SLC2A4: variants seen among roughly 807,000 people sequenced by gnomAD.
The protein encoded by SLC2A4 is solute carrier family 2 member 4, also known as solute carrier family 2, facilitated glucose transporter member 4.
In SLC2A4, 31 loss-of-function variants were observed where a neutral mutation model predicts 53.3. The ratio of observed to expected loss-of-function variants is 0.58; its 90% CI spans 0.44 to 0.78. The LOEUF (loss-of-function observed/expected upper bound fraction) is 0.78, where lower values mean the gene tolerates loss of function less well. SLC2A4 is among the 30% of genes least tolerant of loss of function. The pLI is 0.00. For missense variants in SLC2A4, 538 were observed against 655.7 expected (o/e 0.82, Z 1.96); for synonymous variants, 276 against 281.9 (o/e 0.98, Z 0.21).
At position 7,283,218 on chromosome 17, in the gene SLC2A4, G is replaced by T. The variant is rs1436477670; in HGVS notation, c.34-27G>T. 6.4e-7 allele frequency: 1 copy of T among 1,572,278 alleles called. No homozygotes were observed. Among genetic ancestry groups the T allele is most frequent in the South Asian group, 1.1e-5 (1 of 90,306 alleles). ...AAAAAATCATGGTTCCATGTGACATGCTGTGTCTTTGTGTCTGCCTGTTCA... is the reference window on the plus strand; with the variant it reads ...AAAAAATCATGGTTCCATGTGACATTCTGTGTCTTTGTGTCTGCCTGTTCA... On this transcript the variant is annotated intron_variant, in intron 1 of 10. Coordinates refer to ENST00000317370, the MANE Select transcript of SLC2A4 (RefSeq NM_001042.3). This position sits in a 1 kb window ranked among gnomAD's most constrained non-coding sequence, Gnocchi z 5.8.
At position 7,282,226 on chromosome 17, in the gene SLC2A4, A is replaced by G. The variant is rs1233733884; in HGVS notation, c.33+259A>G. 3.3e-6 allele frequency: 2 copies of G among 614,354 alleles called. No homozygotes were observed. Among genetic ancestry groups the G allele is most frequent in the Non-Finnish European group, 6.0e-6 (2 of 333,622 alleles). The allele number at this position is 614,354 out of a possible 1,614,324, so 38.1% of individuals were successfully genotyped here. Reference sequence around the variant, plus strand: ...CGAGCCAGGGTTCACCCCCTTGCCTAGTAGGCGGCGCGGCGCTCCGGAATC... The same window carrying G: ...CGAGCCAGGGTTCACCCCCTTGCCTGGTAGGCGGCGCGGCGCTCCGGAATC... On this transcript the variant is annotated intron_variant, in intron 1 of 10. Transcript: ENST00000317370. This position sits in a 1 kb window ranked among gnomAD's most constrained non-coding sequence, Gnocchi z 4.1.
Position 7,284,111 on chromosome 17 carries a change from G to A in SLC2A4, c.564+22G>A. 1 of 1,612,238 alleles carries A rather than the reference G, an allele frequency of 6.2e-7. No homozygotes were observed. Among genetic ancestry groups the A allele is most frequent in the Non-Finnish European group, 8.5e-7 (1 of 1,178,720 alleles). On this transcript the variant is annotated intron_variant, in intron 5 of 10. Transcript: ENST00000317370. The surrounding 1 kb of genome is among the most constrained non-coding windows in gnomAD (Gnocchi z 7.5). ...CCAGGTGACCGGAGCAAGCCTCATG[G>A]GTGCCTGGGCAGTGGTTAGAGTGGG...
In SLC2A4 at chr17:7,284,470, C is replaced by T; in HGVS notation, c.728-15C>T. 1 of 1,614,242 alleles carries T rather than the reference C, an allele frequency of 6.2e-7. No homozygotes were observed. Among genetic ancestry groups the T allele is most frequent in the South Asian group, 1.1e-5 (1 of 91,088 alleles). On this transcript the variant is annotated splice_polypyrimidine_tract_variant and intron_variant, in intron 6 of 10. Coordinates refer to ENST00000317370, the MANE Select transcript of SLC2A4 (RefSeq NM_001042.3). The surrounding 1 kb of genome is among the most constrained non-coding windows in gnomAD (Gnocchi z 7.5). The stretch of plus-strand genomic sequence containing the variant: ...TCCTCTCAGGTCCCCTCAGGCCTGA[C>T]CTTCCCTTCTCCAGGTCTGAAGCGC...
Position 7,281,772 on chromosome 17 carries a change from G to A in SLC2A4, c.-163G>A. ...TCCGCGGGAGCCCCACTGCTCTCCG[G>A]GTCCTTGGCTTGTGGCTGTGGGTCC... On this transcript the variant is annotated 5_prime_UTR_variant, in exon 1 of 11. Coordinates refer to ENST00000317370, the MANE Select transcript of SLC2A4 (RefSeq NM_001042.3). The A allele has an allele frequency of 1.4e-6, 1 of 728,348 alleles. No individual in the cohort carries two copies. The highest frequency in any genetic ancestry group is 1.7e-5 in the African/African-American group (1 of 57,172). The allele number at this position is 728,348 out of a possible 1,614,324, so 45.1% of individuals were successfully genotyped here.
chr17:7,284,105 C>T lies in SLC2A4; in HGVS notation c.564+16C>T, dbSNP rs1258861681. 3 of 1,612,134 alleles carry T rather than the reference C, an allele frequency of 1.9e-6. No individual in the cohort carries two copies. The highest frequency in any genetic ancestry group is 2.5e-6 in the Non-Finnish European group (3 of 1,178,556). ...GATCGCCCAGGTGACCGGAGCAAGC[C>T]TCATGGGTGCCTGGGCAGTGGTTAG... On this transcript the variant is annotated intron_variant, in intron 5 of 10. Coordinates refer to ENST00000317370, the MANE Select transcript of SLC2A4 (RefSeq NM_001042.3). The surrounding 1 kb of genome is among the most constrained non-coding windows in gnomAD (Gnocchi z 7.5).
Position 7,286,571 on chromosome 17 carries a change from A to G in SLC2A4, c.1472A>G (p.Glu491Gly), listed in dbSNP as rs2072452321. ...TTCCACCGGACACCCTCTCTTTTAGAGCAGGAGGTGAAACCCAGCACAGAA... is the reference window on the plus strand; with the variant it reads ...TTCCACCGGACACCCTCTCTTTTAGGGCAGGAGGTGAAACCCAGCACAGAA... ...AAFHRTPSLLEQEVKPSTELE... is the reference protein window; with the variant it reads ...AAFHRTPSLLGQEVKPSTELE... The change falls in exon 11 of 11, where the codon GAG becomes GGG. Residue 491 changes from glutamate to glycine, a missense_variant. By Grantham distance (98) the Glu-to-Gly change is moderately conservative (BLOSUM62 -2). Coordinates refer to ENST00000317370, the MANE Select transcript of SLC2A4 (RefSeq NM_001042.3). 6.2e-7 allele frequency: 1 copy of G among 1,614,044 alleles called. No individual in the cohort carries two copies. The highest frequency in any genetic ancestry group is 1.7e-5 in the Admixed American group (1 of 59,998).
Position 7,282,001 on chromosome 17 carries a change from G to A in SLC2A4, c.33+34G>A, listed in dbSNP as rs1567601208. ...CATCATGAGGGGGCGGGGCGGGGGG[G>A]CACGGGTCCCGCTTTTCTTGGGCTG... On this transcript the variant is annotated intron_variant, in intron 1 of 10. Coordinates refer to ENST00000317370, the MANE Select transcript of SLC2A4 (RefSeq NM_001042.3). This position sits in a 1 kb window ranked among gnomAD's most constrained non-coding sequence, Gnocchi z 4.1. 33 of 535,014 alleles carry A rather than the reference G, an allele frequency of 6.2e-5. 1 individual carries two copies. The highest frequency in any genetic ancestry group is 2.8e-4 in the Admixed American group (13 of 46,152). The allele number at this position is 535,014 out of a possible 1,614,324, so 33.1% of individuals were successfully genotyped here. A position where few individuals can be genotyped will look rare whatever the true frequency, so the allele number is the denominator to read the frequency against.
Position 7,285,860 on chromosome 17 carries a change from C to G in SLC2A4, c.1278C>G (p.Ser426=). Residue 426 remains serine (S), a synonymous_variant, in exon 10 of 11, where the codon TCC becomes TCG. Transcript: ENST00000317370. The surrounding 1 kb of genome is among the most constrained non-coding windows in gnomAD (Gnocchi z 6.0). ...RPAAMAVAGF[S]NWTSNFIIGM... is the part of the protein sequence containing the mutation. Reference sequence around the variant, plus strand: ...CAGCCATGGCTGTGGCTGGTTTCTCCAACTGGACGAGCAACTTCATCATTG... The same window carrying G: ...CAGCCATGGCTGTGGCTGGTTTCTCGAACTGGACGAGCAACTTCATCATTG... 6.2e-7 allele frequency: 1 copy of G among 1,614,256 alleles called. No homozygotes were observed. The highest frequency in any genetic ancestry group is 8.5e-7 in the Non-Finnish European group (1 of 1,180,048).
Position 7,284,834 on chromosome 17 carries a change from G to A in SLC2A4, c.916-1G>A. On this transcript the variant is annotated splice_acceptor_variant, in intron 7 of 10. Coordinates refer to ENST00000317370, the MANE Select transcript of SLC2A4 (RefSeq NM_001042.3). LOFTEE classifies it high-confidence loss of function. This position sits in a 1 kb window ranked among gnomAD's most constrained non-coding sequence, Gnocchi z 7.5. ...CACTTCTTCTTCTCCCCCACCTCTA[G>A]GTTTTCTATTATTCGACCAGCATCT... 1 of 1,614,208 alleles carries A rather than the reference G, an allele frequency of 6.2e-7. No homozygotes were observed. Among genetic ancestry groups the A allele is most frequent in the Non-Finnish European group, 8.5e-7 (1 of 1,180,032 alleles).
chr17:7,282,073 G>A lies in SLC2A4; in HGVS notation c.33+106G>A. The A allele has an allele frequency of 2.1e-6, 2 of 937,502 alleles. No individual in the cohort carries two copies. Among genetic ancestry groups the A allele is most frequent in the Non-Finnish European group, 1.7e-6 (1 of 589,588 alleles). The allele number at this position is 937,502 out of a possible 1,614,324, so 58.1% of individuals were successfully genotyped here. A position where few individuals can be genotyped will look rare whatever the true frequency, so the allele number is the denominator to read the frequency against. On this transcript the variant is annotated intron_variant, in intron 1 of 10. Transcript: ENST00000317370. The surrounding 1 kb of genome is among the most constrained non-coding windows in gnomAD (Gnocchi z 4.1). Reference sequence around the variant, plus strand: ...GGGGGTGGTTCCTGCGCAGGCGCAGGGGGTGAAGGTAGGGGGCTGGCTATT... The same window carrying A: ...GGGGGTGGTTCCTGCGCAGGCGCAGAGGGTGAAGGTAGGGGGCTGGCTATT...
Position 7,286,807 on chromosome 17 carries a change from C to T in SLC2A4, c.*178C>T, listed in dbSNP as rs72556549. The T allele has an allele frequency of 9.3e-4, 597 of 640,806 alleles. No individual in the cohort carries two copies. The Middle Eastern group carries it at 0.011, about 12-fold the overall frequency. The allele number at this position is 640,806 out of a possible 1,614,324, so 39.7% of individuals were successfully genotyped here. A position where few individuals can be genotyped will look rare whatever the true frequency, so the allele number is the denominator to read the frequency against. ...GGTCTGAGCACCCCCTCATTCCCCTCGTGTGACTCTCTTGGATTATTTATG... is the reference window on the plus strand; with the variant it reads ...GGTCTGAGCACCCCCTCATTCCCCTTGTGTGACTCTCTTGGATTATTTATG... On this transcript the variant is annotated 3_prime_UTR_variant, in exon 11 of 11. Coordinates refer to ENST00000317370, the MANE Select transcript of SLC2A4 (RefSeq NM_001042.3).
rs749083559 is a variant in SLC2A4 at position 7,284,645 on chromosome 17, G to A, written c.888G>A (p.Leu296=). 10 of 1,613,984 alleles carry A rather than the reference G, an allele frequency of 6.2e-6. No individual in the cohort carries two copies. The highest frequency in any genetic ancestry group is 1.3e-5 in the African/African-American group (1 of 74,954). Residue 296 remains leucine (L), a synonymous_variant, in exon 7 of 11, where the codon CTG becomes CTA. Coordinates refer to ENST00000317370, the MANE Select transcript of SLC2A4 (RefSeq NM_001042.3). This position sits in a 1 kb window ranked among gnomAD's most constrained non-coding sequence, Gnocchi z 7.5. ...TGATCATTGCGGTCGTGCTGCAGCT[G>A]AGCCAGCAGCTCTCTGGCATCAATG... ...QPLIIAVVLQ[L]SQQLSGINAV... is the part of the protein sequence containing the mutation.
chr17:7,287,117 T>TCTC lies in SLC2A4; in HGVS notation c.*488_*489insCTC, dbSNP rs1567603287. On this transcript the variant is annotated 3_prime_UTR_variant, in exon 11 of 11. Coordinates refer to ENST00000317370, the MANE Select transcript of SLC2A4 (RefSeq NM_001042.3). ...CCACGCAGACTCTGGGCAAAGGGGT[T>TCTC]TTTTTTTTTTTTTTTTTTTTTTTTT... 6.3e-5 allele frequency: 3 copies of TCTC among 47,526 alleles called. No individual in the cohort carries two copies. Among genetic ancestry groups the TCTC allele is most frequent in the African/African-American group, 1.1e-4 (1 of 8,706 alleles). The allele number at this position is 47,526 out of a possible 1,614,324, so 2.9% of individuals were successfully genotyped here.
rs776817223 is a variant in SLC2A4 at position 7,283,703 on chromosome 17, C to T, written c.324-35C>T. ...AGGAAGGGAGCCACTGCTGGGTGCC[C>T]TCACCCTCACAGCCTCACTCTGTCT... On this transcript the variant is annotated intron_variant, in intron 3 of 10. Transcript: ENST00000317370. The surrounding 1 kb of genome is among the most constrained non-coding windows in gnomAD (Gnocchi z 5.8). 4 of 1,613,886 alleles carry T rather than the reference C, an allele frequency of 2.5e-6. No homozygotes were observed. The highest frequency in any genetic ancestry group is 2.5e-6 in the Non-Finnish European group (3 of 1,180,010).
Position 7,281,931 on chromosome 17 carries a change from C to G in SLC2A4, c.-4C>G, listed in dbSNP as rs1359303657. On this transcript the variant is annotated 5_prime_UTR_variant, in exon 1 of 11. Transcript: ENST00000317370. ...CCCTGCGCGTCCAGCTCTTCTAAGA[C>G]GAGATGCCGTCGGGCTTCCAACAGA... 1.3e-6 allele frequency: 2 copies of G among 1,598,400 alleles called. No individual in the cohort carries two copies. The highest frequency in any genetic ancestry group is 8.5e-7 in the Non-Finnish European group (1 of 1,171,934).
At position 7,282,157 on chromosome 17, in the gene SLC2A4, G is replaced by C; in HGVS notation, c.33+190G>C. On this transcript the variant is annotated intron_variant, in intron 1 of 10. Transcript: ENST00000317370. This position sits in a 1 kb window ranked among gnomAD's most constrained non-coding sequence, Gnocchi z 4.1. ...TTCCAATCCTACCAAAAGGCAGAGT[G>C]GGTCTGGAGGGCCTTTCGGGGCACA... 4 of 644,114 alleles carry C rather than the reference G, an allele frequency of 6.2e-6. No individual in the cohort carries two copies. In the South Asian group the frequency reaches 6.9e-5, roughly 11 times the overall value. The allele number at this position is 644,114 out of a possible 1,614,324, so 39.9% of individuals were successfully genotyped here.
Position 7,283,122 on chromosome 17 carries a change from C to A in SLC2A4, c.34-123C>A. 6 of 820,496 alleles carry A rather than the reference C, an allele frequency of 7.3e-6. No homozygotes were observed. The Admixed American group carries it at 1.0e-4, about 14-fold the overall frequency. The allele number at this position is 820,496 out of a possible 1,614,324, so 50.8% of individuals were successfully genotyped here. A position where few individuals can be genotyped will look rare whatever the true frequency, so the allele number is the denominator to read the frequency against. On this transcript the variant is annotated intron_variant, in intron 1 of 10. Coordinates refer to ENST00000317370, the MANE Select transcript of SLC2A4 (RefSeq NM_001042.3). The surrounding 1 kb of genome is among the most constrained non-coding windows in gnomAD (Gnocchi z 5.8). Reference sequence around the variant, plus strand: ...GCAATTCCTAATATGGCCCAGTTTCCCTCACCCAACATGTTGGGTGGAGCC... The same window carrying A: ...GCAATTCCTAATATGGCCCAGTTTCACTCACCCAACATGTTGGGTGGAGCC...
chr17:7,285,899 G>A lies in SLC2A4; in HGVS notation c.1317G>A (p.Gln439=). ...TSNFIIGMGF[Q]YVAEAMGPYV... The stretch of plus-strand genomic sequence containing the variant: ...ACTTCATCATTGGCATGGGTTTCCA[G>A]TATGTTGCGGTAGGTCCCCCCGCCC... The change falls in exon 10 of 11, where the codon CAG becomes CAA. Residue 439 remains glutamine (Q), a synonymous_variant. Coordinates refer to ENST00000317370, the MANE Select transcript of SLC2A4 (RefSeq NM_001042.3). The surrounding 1 kb of genome is among the most constrained non-coding windows in gnomAD (Gnocchi z 6.0). 6.2e-7 allele frequency: 1 copy of A among 1,612,296 alleles called. No individual in the cohort carries two copies. Among genetic ancestry groups the A allele is most frequent in the Non-Finnish European group, 8.5e-7 (1 of 1,178,436 alleles).
Position 7,286,549 on chromosome 17 carries a change from C to T in SLC2A4, c.1450C>T (p.His484Tyr). 6.2e-7 allele frequency: 1 copy of T among 1,614,186 alleles called. No individual in the cohort carries two copies. Among genetic ancestry groups the T allele is most frequent in the Non-Finnish European group, 8.5e-7 (1 of 1,180,042 alleles). The change falls in exon 11 of 11, where the codon CAC (histidine) becomes TAC (tyrosine). Residue 484 changes from histidine to tyrosine, a missense_variant. Coordinates refer to ENST00000317370, the MANE Select transcript of SLC2A4 (RefSeq NM_001042.3). The part of the protein sequence containing the change: ...RTFDQISAAF[H>Y]RTPSLLEQEV... ...GTTTGACCAGATCTCAGCTGCCTTCCACCGGACACCCTCTCTTTTAGAGCA... is the reference window on the plus strand; with the variant it reads ...GTTTGACCAGATCTCAGCTGCCTTCTACCGGACACCCTCTCTTTTAGAGCA...
Sources: allele counts gnomAD v4.1 joint callset, GRCh38; gene constraint gnomAD v4.1.1; non-coding constraint Gnocchi (gnomAD v3.1); transcripts MANE v1.5; gene names NCBI Gene and HGNC (gene_info 2026-07-23, HGNC 2026-07-21).